The following RGS5 variants were observed in gnomAD, a reference collection of about 807,000 sequenced individuals.
RGS5 encodes regulator of G-protein signalling 5.
A neutral mutation model predicts 18.9 loss-of-function variants in RGS5; 20 were observed. The ratio of observed to expected loss-of-function variants is 1.06; its 90% CI spans 0.74 to 1.54. RGS5 has a LOEUF of 1.54. Among genes scored for constraint, RGS5 ranks in the 40% most tolerant of loss-of-function variants. The probability of loss-of-function intolerance (pLI) is 0.00; values close to 1 mark genes in which losing one functional copy is unlikely to be tolerated. For missense variants in RGS5, 201 were observed against 211.8 expected, an observed-to-expected ratio of 0.95 and a Z score of 0.32; for synonymous variants, 57 against 76.2, an observed-to-expected ratio of 0.75 and a Z score of 1.31.
chr1:163,155,110 A>G (rs1012655208), intron 3 of RGS5, among the ~76,000 whole-genome samples: 18 of 152,208 alleles, frequency 1.2e-4, no homozygotes, highest in African/African-American at 3.9e-4. Flanking sequence ...ATAAGGTCTA[A>G]GACGGCTGGA....
intron 2 of RGS5, among the ~76,000 whole-genome samples, chr1:163,296,788 AC>A (rs1313115186): frequency 6.6e-6 from 1 of 152,140 alleles, no homozygotes; most frequent in African/African-American, 2.4e-5. Context: ...AAGGTACACT[AC>A]CCCAAAATAT....
At chr1:163,199,775 T>C (rs961569943) in intron 1 of RGS5, among the ~76,000 whole-genome samples, 8 of 152,000 alleles carry the variant, frequency 5.3e-5, no homozygotes, top group Non-Finnish European at 7.4e-5. Flanking sequence ...GATTCTTCAT[T>C]CCTCCCAAAC....
intron 2 of RGS5, among the ~76,000 whole-genome samples, chr1:163,251,889 T>C (rs1648116182): frequency 1.3e-5 from 2 of 152,198 alleles, no homozygotes; most frequent in African/African-American, 4.8e-5. Context: ...CCACCATTTA[T>C]TTAAACATTC....
chr1:163,187,952 G>C (rs1159308969), intron 1 of RGS5, among the ~76,000 whole-genome samples: 1 of 152,076 alleles, frequency 6.6e-6, no homozygotes, highest in African/African-American at 2.4e-5. Context: ...TGCATAGATA[G>C]TGCCGGAATT....
rs764215537 is a variant in RGS5, at chr1:163,152,566, G to T, written c.368C>A (p.Thr123Lys). 6.2e-7 allele frequency: 1 copy of T among 1,612,280 alleles called. No homozygotes were observed. Among genetic ancestry groups the T allele is most frequent in the South Asian group, 1.1e-5 (1 of 90,652 alleles). Residue 123 changes from threonine to lysine, a missense_variant, in exon 4 of 5, where the codon ACG (threonine) becomes AAG (lysine). Physicochemically the swap from Thr to Lys is moderately conservative, Grantham distance 78. Coordinates refer to ENST00000313961, the MANE Select transcript of RGS5 (RefSeq NM_003617.4). ...GAGACCAACCTCTTTAGGAGCCTCC[G>T]TTTGAATGAATTCTTCATAAATTTG... Reference protein sequence around the residue: ...AKQIYEEFIQTEAPKEVNIDH... With the variant: ...AKQIYEEFIQKEAPKEVNIDH...
chr1:163,155,403 CA>C (rs1657541149), intron 3 of RGS5, among the ~76,000 whole-genome samples: 1 of 152,184 alleles, frequency 6.6e-6, no homozygotes, highest in South Asian at 2.1e-4. Flanking sequence ...TTGAATTCCA[CA>C]ATATTCTTTT....
chr1:163,285,392 T>G (rs1484451511), intron 2 of RGS5, among the ~76,000 whole-genome samples: 1 of 151,892 alleles, frequency 6.6e-6, no homozygotes, highest in Non-Finnish European at 1.5e-5. Context: ...CTGTCTCTAC[T>G]AAAATTACAA....
At chr1:163,319,891 T>C (rs1557942132) in intron 1 of RGS5, among the ~76,000 whole-genome samples, 1 of 152,216 alleles carries the variant, frequency 6.6e-6, no homozygotes, top group Non-Finnish European at 1.5e-5. Flanking sequence ...AGAATTCTGA[T>C]GTTCCACCTT....
At chr1:163,239,294 A>T (rs527968698) in intron 2 of RGS5, 1 of 150,078 alleles carries the variant, frequency 6.7e-6, no homozygotes, top group East Asian at 2.0e-4. Context: ...TGGGCAACAC[A>T]GTGAAACCCT....
At chr1:163,226,823 C>T (rs1647346693) in intron 2 of RGS5, among the ~76,000 whole-genome samples, 1 of 152,086 alleles carries the variant, frequency 6.6e-6, no homozygotes, top group Non-Finnish European at 1.5e-5. Flanking sequence ...TTTATTTTTA[C>T]CTGTGCTTAA....
At chr1:163,230,683 C>G (rs912352788) in intron 2 of RGS5, among the ~76,000 whole-genome samples, 1 of 152,158 alleles carries the variant, frequency 6.6e-6, no homozygotes, top group Admixed American at 6.5e-5. Context: ...ACTTTTACCA[C>G]TAATTAACTC....
intron 1 of RGS5, chr1:163,172,681 A>G (rs1169455441): frequency 7.2e-6 from 10 of 1,380,496 alleles, no homozygotes; most frequent in Non-Finnish European, 8.9e-6. Context: ...AGGCTCAAGT[A>G]TAGAGCATTA....
intron 2 of RGS5, among the ~76,000 whole-genome samples, chr1:163,278,691 T>A (rs1161851342): frequency 6.6e-6 from 1 of 152,146 alleles, no homozygotes; most frequent in Non-Finnish European, 1.5e-5. Context: ...GAGTAAGTCC[T>A]CACCTATCAA....
At chr1:163,246,111 G>A (rs1647926132) in intron 2 of RGS5, among the ~76,000 whole-genome samples, 1 of 152,038 alleles carries the variant, frequency 6.6e-6, no homozygotes, top group Non-Finnish European at 1.5e-5. Flanking sequence ...CAGCTACTCG[G>A]GAGGCTGAGG....
intron 2 of RGS5, among the ~76,000 whole-genome samples, chr1:163,223,651 AC>A (rs1231986700): frequency 2.0e-5 from 3 of 152,144 alleles, no homozygotes; most frequent in African/African-American, 7.2e-5. Flanking sequence ...TTTTAGCACT[AC>A]TTCCAGCTAT....
Position 163,142,322 on chromosome 1 carries a change from A to G in RGS5, c.*5020T>C, listed in dbSNP as rs1656953239. ...GAGGCTGTTATATAGATATATATTT[A>G]ATATAATATGTGTGATTGTGGTTAC... On this transcript the variant is annotated 3_prime_UTR_variant, in exon 5 of 5. Coordinates refer to ENST00000313961, the MANE Select transcript of RGS5 (RefSeq NM_003617.4). 6.6e-6 allele frequency: 1 copy of G among 152,174 alleles called. No homozygotes were observed. The highest frequency in any genetic ancestry group is 1.5e-5 in the Non-Finnish European group (1 of 68,030). 9.4% of individuals were successfully genotyped at this position (152,174 alleles called of 1,614,324 possible).
intron 2 of RGS5, among the ~76,000 whole-genome samples, chr1:163,293,780 A>G (rs1364054119): frequency 6.6e-6 from 1 of 152,208 alleles, no homozygotes; most frequent in Non-Finnish European, 1.5e-5. Context: ...TCCAAGATAC[A>G]ATGGAGGTAC....
chr1:163,153,632 T>C (rs1243177857), intron 3 of RGS5, among the ~76,000 whole-genome samples: 7 of 151,384 alleles, frequency 4.6e-5, no homozygotes, highest in Non-Finnish European at 7.4e-5. Context: ...ATTATATCTA[T>C]ATATAATATG....
intron 2 of RGS5, among the ~76,000 whole-genome samples, chr1:163,266,300 C>T (rs1648570832): frequency 1.3e-5 from 2 of 152,158 alleles, no homozygotes; most frequent in Admixed American, 6.6e-5. Flanking sequence ...CTCATATTCA[C>T]TCCCACATTC....
Sources: gnomAD v4.1 joint callset for allele counts (sites outside exome capture counted in the v4.1 genomes callset) on GRCh38, gnomAD v4.1.1 for gene constraint, MANE v1.5 for transcripts, NCBI Gene and HGNC (gene_info 2026-07-23, HGNC 2026-07-21) for gene names.